SPMIP2: variants seen among roughly 807,000 people sequenced by gnomAD.
The protein encoded by SPMIP2 is protein SPMIP2.
At chr4:158,984,673 G>C in the SPMIP2 span, among the ~76,000 whole-genome samples, 1 of 151,862 alleles carries the variant, frequency 6.6e-6, no homozygotes, top group Non-Finnish European at 1.5e-5. Flanking sequence ...GCCCACAAGA[G>C]AAAGCAGGAA....
At chr4:158,974,891 T>G in the SPMIP2 span, among the ~76,000 whole-genome samples, 1 of 152,188 alleles carries the variant, frequency 6.6e-6, no homozygotes, top group Non-Finnish European at 1.5e-5. Flanking sequence ...CACACTGTCT[T>G]CCACAATACT....
At chr4:158,896,437 TCTTA>T in the SPMIP2 span, among the ~76,000 whole-genome samples, 2 of 152,328 alleles carry the variant, frequency 1.3e-5, no homozygotes, top group Non-Finnish European at 2.9e-5. Flanking sequence ...GGGAAGTAAT[TCTTA>T]CTTCTGTTTT....
At chr4:158,932,806 T>G in the SPMIP2 span, among the ~76,000 whole-genome samples, 7 of 152,162 alleles carry the variant, frequency 4.6e-5, no homozygotes, top group Non-Finnish European at 7.3e-5. Flanking sequence ...AAGCTGCTGA[T>G]GTTCATAGTT....
At chr4:159,035,527 A>G in the SPMIP2 span, among the ~76,000 whole-genome samples, 1 of 152,228 alleles carries the variant, frequency 6.6e-6, no homozygotes, top group African/African-American at 2.4e-5. Context: ...CCATGGTTAA[A>G]TATATTTGAC....
chr4:158,940,516 T>C, the SPMIP2 span, among the ~76,000 whole-genome samples: 3 of 151,388 alleles, frequency 2.0e-5, no homozygotes, highest in African/African-American at 7.3e-5. Flanking sequence ...CATTGATTCA[T>C]CAGGGTTTCC....
the SPMIP2 span, among the ~76,000 whole-genome samples, chr4:159,046,163 G>A: frequency 6.6e-6 from 1 of 151,740 alleles, no homozygotes; most frequent in Admixed American, 6.6e-5. Context: ...TCAGGAAGTC[G>A]AGGCTGCAAT....
chr4:159,028,302 A>G, the SPMIP2 span, among the ~76,000 whole-genome samples: 10 of 152,348 alleles, frequency 6.6e-5, no homozygotes, highest in African/African-American at 2.2e-4. Flanking sequence ...TGAATTAAAG[A>G]ATGTATTTTT....
chr4:159,029,101 A>C, the SPMIP2 span, among the ~76,000 whole-genome samples: 5 of 152,250 alleles, frequency 3.3e-5, no homozygotes, highest in African/African-American at 1.2e-4. Flanking sequence ...TCTCAAAAAA[A>C]CAAACAAACA....
the SPMIP2 span, among the ~76,000 whole-genome samples, chr4:159,069,487 G>A: frequency 6.6e-6 from 1 of 150,760 alleles, no homozygotes. Context: ...AGGCTGGAGT[G>A]CAGTGGTGTG....
At chr4:158,950,900 A>G in the SPMIP2 span, among the ~76,000 whole-genome samples, 1 of 152,154 alleles carries the variant, frequency 6.6e-6, no homozygotes, top group Non-Finnish European at 1.5e-5. Flanking sequence ...CTCAAAAACA[A>G]GCAGGCAAAA....
the SPMIP2 span, among the ~76,000 whole-genome samples, chr4:158,954,034 T>C: frequency 6.6e-6 from 1 of 152,206 alleles, no homozygotes; most frequent in African/African-American, 2.4e-5. Flanking sequence ...TGGGTAATGA[T>C]GAAATGAGTT....
the SPMIP2 span, among the ~76,000 whole-genome samples, chr4:159,080,732 T>C: frequency 1.5e-4 from 4 of 27,180 alleles, no homozygotes; most frequent in Non-Finnish European, 2.3e-4. Flanking sequence ...TGAAGTGTAA[T>C]TTGTTTGTTT....
the SPMIP2 span, among the ~76,000 whole-genome samples, chr4:158,942,204 C>T: frequency 6.6e-6 from 1 of 152,150 alleles, no homozygotes; most frequent in African/African-American, 2.4e-5. Context: ...TAATTGTGCT[C>T]CAAGGTAATT....
chr4:158,925,944 A>T, the SPMIP2 span, among the ~76,000 whole-genome samples: 1 of 152,062 alleles, frequency 6.6e-6, no homozygotes, highest in Non-Finnish European at 1.5e-5. Flanking sequence ...GTGTCCTCAC[A>T]GGGTGGAAGG....
chr4:158,984,569 G>A, the SPMIP2 span, among the ~76,000 whole-genome samples: 2 of 151,950 alleles, frequency 1.3e-5, no homozygotes, highest in African/African-American at 4.8e-5. Flanking sequence ...AAATAAAGAT[G>A]TTCTTTGAAA....
At chr4:159,066,537 CATGT>C in the SPMIP2 span, among the ~76,000 whole-genome samples, 1 of 147,574 alleles carries the variant, frequency 6.8e-6, no homozygotes, top group African/African-American at 2.5e-5. Context: ...TGTATGTATA[CATGT>C]ATTACATATA....
At chr4:158,973,153 T>C in the SPMIP2 span, 1,606,928 of 1,612,850 alleles carry the variant, frequency 1, 800,624 homozygotes, top group East Asian at 1. Context: ...CCAATTTCAC[T>C]GACGTACTCA....
the SPMIP2 span, among the ~76,000 whole-genome samples, chr4:158,920,320 G>C: frequency 2.0e-5 from 3 of 152,102 alleles, no homozygotes; most frequent in African/African-American, 7.2e-5. Context: ...CAATTTTTAG[G>C]GAACAAGGGA....
At chr4:159,078,551 A>G in the SPMIP2 span, among the ~76,000 whole-genome samples, 2 of 152,190 alleles carry the variant, frequency 1.3e-5, no homozygotes, top group Non-Finnish European at 2.9e-5. Context: ...AGCACTTTTT[A>G]TCTTAGGCTG....
Sources: gnomAD v4.1 joint callset for allele counts (sites outside exome capture counted in the v4.1 genomes callset) on GRCh38, gnomAD v4.1.1 for gene constraint, MANE v1.5 for transcripts, NCBI Gene and HGNC (gene_info 2026-07-23, HGNC 2026-07-21) for gene names.